Variants in ASTN2 observed in about 807,000 individuals in gnomAD.
ASTN2 encodes the protein astrotactin-2.
In ASTN2, 54 loss-of-function variants were observed where a neutral mutation model predicts 139.8. That is an observed-to-expected ratio of 0.39 (90% CI 0.31 to 0.48). The LOEUF (loss-of-function observed/expected upper bound fraction) is 0.48. ASTN2 is among the 20% of genes least tolerant of loss of function. ASTN2 has a pLI of 0.95. For synonymous variants in ASTN2, 756 were observed against 719.5 expected, an observed-to-expected ratio of 1.05 and a Z score of -0.81; for missense variants, 1,565 against 1,725.1, an observed-to-expected ratio of 0.91 and a Z score of 1.64.
chr9:117,107,921 T>A (rs1829147533), intron 4 of ASTN2, among the ~76,000 whole-genome samples: 1 of 152,214 alleles, frequency 6.6e-6, no homozygotes. Context: ...AATCTTCTGA[T>A]CTCATAGTTG....
intron 7 of ASTN2, among the ~76,000 whole-genome samples, chr9:116,984,305 C>G (rs1327726099): frequency 6.6e-6 from 1 of 152,222 alleles, no homozygotes; most frequent in East Asian, 1.9e-4. Flanking sequence ...TTTCAAAGAA[C>G]AGCTGCACCC....
At chr9:117,071,983 C>T (rs770743718) in intron 5 of ASTN2, among the ~76,000 whole-genome samples, 2 of 152,200 alleles carry the variant, frequency 1.3e-5, no homozygotes, top group African/African-American at 4.8e-5. Context: ...GAGTCAGTCA[C>T]GCTGGGAGCT....
chr9:116,533,273 G>T (rs914431412), intron 19 of ASTN2, among the ~76,000 whole-genome samples: 3 of 152,102 alleles, frequency 2.0e-5, no homozygotes, highest in Non-Finnish European at 4.4e-5. Context: ...GAGACAATGG[G>T]GTTTTCTAAA....
At chr9:116,736,453 G>A (rs1828928851) in intron 13 of ASTN2, among the ~76,000 whole-genome samples, 1 of 152,164 alleles carries the variant, frequency 6.6e-6, no homozygotes, top group Non-Finnish European at 1.5e-5. Flanking sequence ...GGTAGAGGGT[G>A]CTAAAGGACC....
intron 4 of ASTN2, among the ~76,000 whole-genome samples, chr9:117,101,258 C>T (rs987526356): frequency 3.9e-5 from 6 of 152,138 alleles, no homozygotes; most frequent in African/African-American, 1.4e-4. Context: ...TCTGAAGGGG[C>T]CACAGGCCAA....
chr9:116,938,536 A>G (rs1176098608), intron 10 of ASTN2, among the ~76,000 whole-genome samples: 6 of 152,124 alleles, frequency 3.9e-5, no homozygotes, highest in Non-Finnish European at 8.8e-5. Flanking sequence ...AGGCCCCCTG[A>G]GTCCTCAACA....
chr9:117,231,698 G>C (rs870027), intron 2 of ASTN2, among the ~76,000 whole-genome samples: 4 of 151,938 alleles, frequency 2.6e-5, no homozygotes, highest in South Asian at 2.1e-4. Flanking sequence ...AGTGGGAAGC[G>C]AGTGAGGAAT....
At chr9:117,257,370 T>C (rs1016808868) in intron 2 of ASTN2, among the ~76,000 whole-genome samples, 4 of 152,198 alleles carry the variant, frequency 2.6e-5, no homozygotes, top group African/African-American at 9.6e-5. Context: ...GACACAACTA[T>C]GACCAAAGAG....
chr9:116,858,812 A>T (rs1393837878), intron 11 of ASTN2, among the ~76,000 whole-genome samples: 2 of 152,190 alleles, frequency 1.3e-5, no homozygotes, highest in Admixed American at 1.3e-4. Context: ...TTTATATATT[A>T]TTTACTGTAT....
chr9:117,063,962 A>G (rs912395353), intron 5 of ASTN2, among the ~76,000 whole-genome samples: 13 of 152,012 alleles, frequency 8.6e-5, no homozygotes, highest in African/African-American at 3.1e-4. Flanking sequence ...GGGCTGCTCC[A>G]ACAGCTTTCT....
At chr9:116,806,569 C>T (rs1253978835) in intron 12 of ASTN2, among the ~76,000 whole-genome samples, 2 of 152,210 alleles carry the variant, frequency 1.3e-5, no homozygotes, top group East Asian at 1.9e-4. Context: ...CAAAGTTCAG[C>T]GCTAAGCACT....
At chr9:116,708,429 G>A (rs1165505623) in intron 16 of ASTN2, among the ~76,000 whole-genome samples, 3 of 152,306 alleles carry the variant, frequency 2.0e-5, no homozygotes, top group Middle Eastern at 3.4e-3. Flanking sequence ...AAGGGATGCA[G>A]TATCCTTTTA....
chr9:116,950,745 G>T (rs1835533989), intron 10 of ASTN2, among the ~76,000 whole-genome samples: 1 of 152,082 alleles, frequency 6.6e-6, no homozygotes, highest in Admixed American at 6.5e-5. Flanking sequence ...TAAGGCTATA[G>T]GGAAAATTAG....
chr9:117,351,972 T>C (rs1344787192), intron 1 of ASTN2, among the ~76,000 whole-genome samples: 1 of 152,192 alleles, frequency 6.6e-6, no homozygotes, highest in African/African-American at 2.4e-5. Flanking sequence ...GGGATACAGA[T>C]AAAAATGTCC....
intron 19 of ASTN2, among the ~76,000 whole-genome samples, chr9:116,602,304 G>A (rs1033487644): frequency 1.3e-5 from 2 of 152,178 alleles, no homozygotes; most frequent in African/African-American, 2.4e-5. Context: ...TCATTTTGAT[G>A]CTGGAAGATG....
At chr9:116,947,491 T>C (rs931357996) in intron 10 of ASTN2, among the ~76,000 whole-genome samples, 17 of 152,198 alleles carry the variant, frequency 1.1e-4, no homozygotes, top group African/African-American at 3.6e-4. Flanking sequence ...ATATCCCAGA[T>C]CTGTATACTC....
In ASTN2 at chr9:117,159,488, G is replaced by T. The variant is rs550469266; in HGVS notation, c.1016-18010C>A. On this transcript the variant is annotated intron_variant, in intron 3 of 22. Transcript: ENST00000313400. ...AACCTGGCCAGAGCCCATGTGTGGG[G>T]AGCTGAGCTTGATTAGATATTTCTA... Among the ~76,000 whole-genome samples, 4 of 152,118 alleles carry T rather than the reference G, an allele frequency of 2.6e-5. No individual in the cohort carries two copies. The South Asian group carries it at 8.3e-4, about 32-fold the overall frequency.
intron 3 of ASTN2, among the ~76,000 whole-genome samples, chr9:117,141,781 T>C (rs1374067818): frequency 6.6e-6 from 1 of 152,238 alleles, no homozygotes; most frequent in Non-Finnish European, 1.5e-5. Context: ...CAATTCATTA[T>C]TCAAGTAATT....
intron 20 of ASTN2, among the ~76,000 whole-genome samples, chr9:116,481,883 T>C (rs1037477116): frequency 6.6e-6 from 1 of 152,068 alleles, no homozygotes; most frequent in Non-Finnish European, 1.5e-5. Context: ...GAACAGCACA[T>C]GGGAGGAGGG....
Sources: allele counts gnomAD v4.1 joint callset (sites outside exome capture counted in the v4.1 genomes callset), GRCh38; gene constraint gnomAD v4.1.1; transcripts MANE v1.5; gene names NCBI Gene and HGNC (gene_info 2026-07-23, HGNC 2026-07-21).